Variants in PCDH15 observed in about 807,000 individuals in gnomAD.
The protein encoded by PCDH15 is protocadherin related 15, also known as protocadherin-15.
PCDH15 carries 129 observed loss-of-function variants against 178.5 expected under a neutral mutation model. The ratio of observed to expected loss-of-function variants is 0.72; its 90% confidence interval spans 0.63 to 0.84. PCDH15 has a LOEUF of 0.84. PCDH15 is among the 40% of genes least tolerant of loss of function. PCDH15 has a pLI of 0.00. For synonymous variants in PCDH15, 800 were observed against 732.0 expected, an observed-to-expected ratio of 1.09 and a Z score of -1.50; for missense variants, 2,230 against 2,099.9, an observed-to-expected ratio of 1.06 and a Z score of -1.21.
chr10:54,454,207 A>T (rs888151962), intron 3 of PCDH15, among the ~76,000 whole-genome samples: 1 of 149,472 alleles, frequency 6.7e-6, no homozygotes, highest in Admixed American at 6.7e-5. Context: ...TAATTACTAA[A>T]ATTTTTTCTA....
chr10:54,224,038 A>G (rs1246839933), intron 9 of PCDH15, among the ~76,000 whole-genome samples: 1 of 152,204 alleles, frequency 6.6e-6, no homozygotes, highest in Admixed American at 6.5e-5. Context: ...CAAAAAATAC[A>G]GTATCAAATT....
At chr10:54,988,804 G>A (rs775640801) in intron 2 of PCDH15, among the ~76,000 whole-genome samples, 1 of 152,184 alleles carries the variant, frequency 6.6e-6, no homozygotes, top group East Asian at 1.9e-4. Context: ...ATTTTCTAAG[G>A]AGAAATTCAA....
At chr10:55,472,005 G>T (rs566882040) in intron 2 of PCDH15, among the ~76,000 whole-genome samples, 1 of 152,304 alleles carries the variant, frequency 6.6e-6, no homozygotes, top group African/African-American at 2.4e-5. Flanking sequence ...CCATCGTCTG[G>T]TGAGATATTC....
chr10:53,828,802 T>TAAAGA (rs541783653), intron 30 of PCDH15, among the ~76,000 whole-genome samples: 1 of 151,892 alleles, frequency 6.6e-6, no homozygotes, highest in African/African-American at 2.4e-5. Context: ...AACAGAAAAA[T>TAAAGA]AAAGAAATGA....
intron 18 of PCDH15, among the ~76,000 whole-genome samples, chr10:54,035,508 G>A (rs1302038273): frequency 1.3e-5 from 2 of 151,758 alleles, no homozygotes; most frequent in African/African-American, 4.8e-5. Context: ...CCATATGAGA[G>A]CAAATTTAAT....
chr10:55,124,011 C>A (rs535654026), intron 2 of PCDH15, among the ~76,000 whole-genome samples: 1 of 152,110 alleles, frequency 6.6e-6, no homozygotes, highest in Non-Finnish European at 1.5e-5. Context: ...ACTGATGTAA[C>A]ACGTATACAC....
intron 26 of PCDH15, among the ~76,000 whole-genome samples, chr10:53,878,106 A>G (rs1475681188): frequency 6.7e-6 from 1 of 149,298 alleles, no homozygotes; most frequent in Non-Finnish European, 1.5e-5. Flanking sequence ...CTTTGTATAC[A>G]TTGTTTCTTC....
At chr10:54,419,329 A>T (rs781312387) in intron 3 of PCDH15, among the ~76,000 whole-genome samples, 1 of 151,778 alleles carries the variant, frequency 6.6e-6, no homozygotes, top group Non-Finnish European at 1.5e-5. Context: ...TGTCCAACAA[A>T]CAAATTTATC....
chr10:55,387,528 T>G (rs1329735399), intron 2 of PCDH15, among the ~76,000 whole-genome samples: 2 of 152,222 alleles, frequency 1.3e-5, no homozygotes, highest in East Asian at 3.9e-4. Flanking sequence ...AGTTCTATTT[T>G]AAACTACATA....
rs146459123 is a variant in PCDH15 at position 54,569,974 on chromosome 10, T to C, written c.92-42097A>G. Among the ~76,000 whole-genome samples, 4 of 152,202 alleles carry C rather than the reference T, an allele frequency of 2.6e-5. No individual in the cohort carries two copies. In the East Asian group the frequency reaches 7.7e-4, roughly 29 times the overall value. On this transcript the variant is annotated intron_variant, in intron 2 of 37. Coordinates refer to ENST00000644397, the MANE Select transcript of PCDH15 (RefSeq NM_001384140.1). ...AGTTAAAAGCTATAAATCAGACCTC[T>C]AGAGGAGGGCTACATTGGTCCAAAT...
intron 2 of PCDH15, among the ~76,000 whole-genome samples, chr10:54,946,625 G>T (rs924040634): frequency 1.3e-5 from 2 of 151,864 alleles, no homozygotes; most frequent in East Asian, 3.9e-4. Flanking sequence ...TTTACAGGAT[G>T]ATTGCCTGAA....
chr10:54,035,779 T>A (rs755574825), intron 18 of PCDH15, among the ~76,000 whole-genome samples: 7 of 151,994 alleles, frequency 4.6e-5, no homozygotes, highest in African/African-American at 4.8e-5. Context: ...GTGAGAAAGG[T>A]AGGTCAAAAG....
chr10:55,285,695 T>G (rs1230540618), intron 1 of PCDH15, among the ~76,000 whole-genome samples: 3 of 151,906 alleles, frequency 2.0e-5, no homozygotes, highest in Non-Finnish European at 4.4e-5. Flanking sequence ...CAACAAATGC[T>G]TGTTGAGGGA....
intron 2 of PCDH15, among the ~76,000 whole-genome samples, chr10:55,014,631 A>C (rs1037678648): frequency 6.6e-6 from 1 of 152,182 alleles, no homozygotes; most frequent in Non-Finnish European, 1.5e-5. Context: ...ACAAGCTACA[A>C]TGCAAAACGT....
rs1373012575 is a variant in PCDH15, at chr10:54,855,234, G to A, written c.-29+42216C>T. Reference sequence around the variant, plus strand: ...GCCTCTAAAGGTGCAGGGATGCCTGGTTCTGCAGGTGCAGGAGCAGGAGAC... The same window carrying A: ...GCCTCTAAAGGTGCAGGGATGCCTGATTCTGCAGGTGCAGGAGCAGGAGAC... On this transcript the variant is annotated intron_variant, in intron 3 of 5. Transcript: ENST00000458638. Among the ~76,000 whole-genome samples the A allele has an allele frequency of 2.0e-5, 3 of 152,194 alleles. No homozygotes were observed. The East Asian group carries it at 5.8e-4, about 29-fold the overall frequency.
At chr10:54,741,391 T>C (rs1464595496) in intron 1 of PCDH15, among the ~76,000 whole-genome samples, 1 of 151,900 alleles carries the variant, frequency 6.6e-6, no homozygotes, top group African/African-American at 2.4e-5. Flanking sequence ...AATTTTTCAT[T>C]TACAGATGAG....
intron 1 of PCDH15, among the ~76,000 whole-genome samples, chr10:54,759,488 G>A (rs958286357): frequency 7.9e-5 from 12 of 152,072 alleles, no homozygotes; most frequent in African/African-American, 2.7e-4. Flanking sequence ...TGATATTTCT[G>A]TCTTCTCTCT....
chr10:54,231,511 A>G (rs770692843), intron 9 of PCDH15, among the ~76,000 whole-genome samples: 5 of 152,214 alleles, frequency 3.3e-5, no homozygotes, highest in Non-Finnish European at 7.3e-5. Flanking sequence ...CCCCACACAG[A>G]GTTCCCACTG....
chr10:54,572,240 T>C (rs1351489409), intron 2 of PCDH15, among the ~76,000 whole-genome samples: 1 of 152,132 alleles, frequency 6.6e-6, no homozygotes, highest in African/African-American at 2.4e-5. Context: ...GAGTACCTGC[T>C]ATGTGTTAGG....
Sources: allele counts gnomAD v4.1 joint callset (sites outside exome capture counted in the v4.1 genomes callset), GRCh38; gene constraint gnomAD v4.1.1; transcripts MANE v1.5; gene names NCBI Gene and HGNC (gene_info 2026-07-23, HGNC 2026-07-21).